CDK14: variants seen among roughly 807,000 people sequenced by gnomAD.
CDK14 encodes the protein cyclin dependent kinase 14.
A neutral mutation model predicts 60.7 loss-of-function variants in CDK14; 34 were observed. The observed-to-expected ratio is 0.56, with a 90% CI of 0.43 to 0.75. The LOEUF is 0.75. Among genes scored for constraint, CDK14 ranks in the 30% least tolerant of loss-of-function variants. The pLI, the probability that CDK14 is intolerant of heterozygous loss-of-function variation, is 0.00. For synonymous variants in CDK14, 197 were observed against 203.7 expected (o/e 0.97, Z 0.28); for missense variants, 482 against 564.1 (o/e 0.85, Z 1.47).
chr7:90,737,842 C>T (rs1303543038), intron 3 of CDK14, among the ~76,000 whole-genome samples: 1 of 152,166 alleles, frequency 6.6e-6, no homozygotes, highest in East Asian at 1.9e-4. Context: ...AGTGATTCTC[C>T]ATTGTGGTTT....
chr7:91,122,303 C>A (rs1413693706), intron 14 of CDK14, among the ~76,000 whole-genome samples: 1 of 152,126 alleles, frequency 6.6e-6, no homozygotes, highest in Non-Finnish European at 1.5e-5. Context: ...ATGTGTCGGA[C>A]TCTCTACTTG....
At chr7:90,987,994 T>C (rs559625076) in intron 10 of CDK14, among the ~76,000 whole-genome samples, 100 of 152,308 alleles carry the variant, frequency 6.6e-4, no homozygotes, top group South Asian at 1.2e-3. Flanking sequence ...CATAGAAAGG[T>C]AGTTAATAAC....
intron 2 of CDK14, among the ~76,000 whole-genome samples, chr7:90,614,844 T>A (rs983015497): frequency 2.0e-5 from 3 of 152,100 alleles, no homozygotes; most frequent in African/African-American, 7.2e-5. Flanking sequence ...TTAATTTATT[T>A]ATTTATTTTG....
At position 90,725,816 on chromosome 7, in the gene CDK14, G is replaced by T. The variant is rs184343608; in HGVS notation, c.124-751G>T. On this transcript the variant is annotated intron_variant, in intron 2 of 14. Transcript: ENST00000380050. The stretch of plus-strand genomic sequence containing the variant: ...AAAATCACAGAGACTGAAATAAAAT[G>T]AGAGGGTGGGGAAGGCTGGGTGAGA... Among the ~76,000 whole-genome samples the T allele has an allele frequency of 6.3e-4, 96 of 152,210 alleles. 1 individual carries two copies. Among genetic ancestry groups the T allele is most frequent in the Non-Finnish European group, 6.9e-4 (47 of 67,990 alleles).
intron 14 of CDK14, among the ~76,000 whole-genome samples, chr7:91,176,441 C>T (rs967361803): frequency 6.6e-6 from 1 of 151,840 alleles, no homozygotes; most frequent in African/African-American, 2.4e-5. Context: ...CTAGCAGAAG[C>T]AAGAAATAAC....
At chr7:90,776,384 GT>G (rs1347463736) in intron 4 of CDK14, among the ~76,000 whole-genome samples, 1 of 152,172 alleles carries the variant, frequency 6.6e-6, no homozygotes, top group Non-Finnish European at 1.5e-5. Context: ...GTCCTGAGAA[GT>G]ATACAACCCA....
At chr7:90,874,503 CTTTTTTTTTTTTTTTTTTTTTTTTTTTT>C (rs747439482) in intron 6 of CDK14, among the ~76,000 whole-genome samples, 1 of 47,966 alleles carries the variant, frequency 2.1e-5, no homozygotes, top group African/African-American at 6.9e-5. Flanking sequence ...TCCTTTCATC[CTTTTTTTTTTTTTTTTTTTTTTTTTTTT>C]TTTTTTTTGA....
intron 14 of CDK14, among the ~76,000 whole-genome samples, chr7:91,174,434 G>C (rs1043553859): frequency 5.9e-5 from 9 of 151,542 alleles, no homozygotes; most frequent in African/African-American, 1.7e-4. Flanking sequence ...TTCCTCACCA[G>C]CAACGGAACA....
chr7:90,615,919 G>T (rs547496522), intron 2 of CDK14, among the ~76,000 whole-genome samples: 1 of 152,254 alleles, frequency 6.6e-6, no homozygotes, highest in South Asian at 2.1e-4. Context: ...AGGAAGGGTT[G>T]TTATTGGGGG....
intron 10 of CDK14, among the ~76,000 whole-genome samples, chr7:91,031,517 T>TA: frequency 6.6e-6 from 1 of 152,232 alleles, no homozygotes; most frequent in South Asian, 2.1e-4. Flanking sequence ...CAAAGTTACC[T>TA]AAAAAAGAAA....
chr7:90,722,451 C>T (rs1166125955), intron 2 of CDK14, among the ~76,000 whole-genome samples: 1 of 152,184 alleles, frequency 6.6e-6, no homozygotes, highest in African/African-American at 2.4e-5. Context: ...AATGATCCAC[C>T]TGCCACAGCT....
intron 7 of CDK14, among the ~76,000 whole-genome samples, chr7:90,901,406 A>G (rs1792500574): frequency 6.6e-6 from 1 of 152,182 alleles, no homozygotes; most frequent in Non-Finnish European, 1.5e-5. Flanking sequence ...GGTCACCGAT[A>G]GATGACTTAC....
At chr7:90,914,395 A>G (rs1472732594) in intron 7 of CDK14, among the ~76,000 whole-genome samples, 1 of 152,078 alleles carries the variant, frequency 6.6e-6, no homozygotes, top group Non-Finnish European at 1.5e-5. Flanking sequence ...CTAAGTCACA[A>G]TGATTTGTTT....
At chr7:90,985,101 C>T (rs1795336313) in intron 10 of CDK14, among the ~76,000 whole-genome samples, 1 of 152,184 alleles carries the variant, frequency 6.6e-6, no homozygotes, top group East Asian at 1.9e-4. Context: ...GAGAGAGAAA[C>T]TGGGCGAGTG....
rs919381026 is a variant in CDK14, at chr7:91,170,470, T to C, written c.*29-36695T>C. Among the ~76,000 whole-genome samples the C allele has an allele frequency of 2.0e-5, 3 of 152,312 alleles. No homozygotes were observed. The East Asian group carries it at 5.8e-4, about 29-fold the overall frequency. On this transcript the variant is annotated intron_variant, in intron 14 of 14. Coordinates refer to ENST00000380050, the MANE Select transcript of CDK14 (RefSeq NM_001287135.2). Reference sequence around the variant, plus strand: ...TGTGTGTAATAATAATGTATATTGTTATTTGCATGGGTTACCATTATTAAA... The same window carrying C: ...TGTGTGTAATAATAATGTATATTGTCATTTGCATGGGTTACCATTATTAAA...
At chr7:90,630,568 A>T (rs1302749851) in intron 2 of CDK14, among the ~76,000 whole-genome samples, 1 of 152,226 alleles carries the variant, frequency 6.6e-6, no homozygotes, top group Non-Finnish European at 1.5e-5. Context: ...ACTTATTAGC[A>T]ACATTACAAA....
intron 8 of CDK14, among the ~76,000 whole-genome samples, chr7:90,922,422 G>T (rs953273120): frequency 6.1e-5 from 9 of 148,754 alleles, no homozygotes; most frequent in African/African-American, 2.5e-5. Flanking sequence ...CAAAGAAAGG[G>T]TTTTTTTTTT....
chr7:91,029,926 C>T (rs1796712133), intron 10 of CDK14, among the ~76,000 whole-genome samples: 2 of 152,152 alleles, frequency 1.3e-5, no homozygotes, highest in Non-Finnish European at 2.9e-5. Context: ...CCTGATTGCT[C>T]TGGCTAGGAT....
intron 5 of CDK14, among the ~76,000 whole-genome samples, chr7:90,828,584 C>A (rs1421000097): frequency 6.6e-6 from 1 of 151,898 alleles, no homozygotes; most frequent in East Asian, 1.9e-4. Flanking sequence ...TTACCGAATT[C>A]TCCAGATCTC....
Sources: allele counts gnomAD v4.1 joint callset (sites outside exome capture counted in the v4.1 genomes callset), GRCh38; gene constraint gnomAD v4.1.1; transcripts MANE v1.5; gene names NCBI Gene and HGNC (gene_info 2026-07-23, HGNC 2026-07-21).